The following PCDHGA3 variants were observed in gnomAD, a reference collection of about 807,000 sequenced individuals.
PCDHGA3 encodes protocadherin gamma subfamily A, 3, also known as protocadherin gamma-A3.
Under a neutral mutation model 58.5 loss-of-function variants are expected in PCDHGA3, and 40 were observed. The ratio of observed to expected loss-of-function variants is 0.68; its 90% CI spans 0.53 to 0.89. The LOEUF (loss-of-function observed/expected upper bound fraction) is 0.89. PCDHGA3 is among the 40% of genes least tolerant of loss of function. PCDHGA3 has a pLI of 0.00. For missense variants in PCDHGA3, 1,223 were observed against 1,195.9 expected (o/e 1.02, Z -0.33); for synonymous variants, 530 against 525.7 (o/e 1.01, Z -0.11).
chr5:141,432,369 A>G lies in PCDHGA3; in HGVS notation c.2425-62438A>G. 6.2e-7 allele frequency: 1 copy of G among 1,614,222 alleles called. No homozygotes were observed. The highest frequency in any genetic ancestry group is 1.1e-5 in the South Asian group (1 of 91,084). ...CAAGTGAAAGTGATGGCGCGGGACA[A>G]CGGGCACCCGCCCCTCAGCAGCAAC... On this transcript the variant is annotated intron_variant, in intron 1 of 3. Coordinates refer to ENST00000253812, the MANE Select transcript of PCDHGA3 (RefSeq NM_018916.4). The surrounding 1 kb of genome is among the most constrained non-coding windows in gnomAD (Gnocchi z 6.0).
chr5:141,407,478 A>G (rs1230151085), intron 1 of PCDHGA3, among the ~76,000 whole-genome samples: 1 of 144,006 alleles, frequency 6.9e-6, no homozygotes, highest in Non-Finnish European at 1.6e-5. Flanking sequence ...TGAATGGAGT[A>G]TGGAAAATCT....
intron 1 of PCDHGA3, chr5:141,388,443 G>A (rs1242973473): frequency 5.0e-6 from 8 of 1,613,872 alleles, no homozygotes; most frequent in Non-Finnish European, 6.8e-6. Flanking sequence ...AGAGAAATCA[G>A]ATGGCAGTAA....
At chr5:141,371,919 G>A (rs765232758) in intron 1 of PCDHGA3, 2 of 1,613,372 alleles carry the variant, frequency 1.2e-6, no homozygotes, top group East Asian at 2.2e-5. Flanking sequence ...GTCCGTGAGC[G>A]CGCGGAGCGG....
intron 1 of PCDHGA3, chr5:141,388,489 G>A: frequency 6.2e-7 from 1 of 1,613,844 alleles, no homozygotes; most frequent in Non-Finnish European, 8.5e-7. Context: ...CCTTTGGACA[G>A]AGAAAAGCAG....
At chr5:141,386,804 A>G (rs976518864) in intron 1 of PCDHGA3, among the ~76,000 whole-genome samples, 3 of 152,238 alleles carry the variant, frequency 2.0e-5, no homozygotes, top group Non-Finnish European at 2.9e-5. Context: ...AATTTATTAG[A>G]TGCATAAAAT....
At chr5:141,402,514 AAT>A (rs1200847622) in intron 1 of PCDHGA3, among the ~76,000 whole-genome samples, 1 of 152,218 alleles carries the variant, frequency 6.6e-6, no homozygotes, top group East Asian at 1.9e-4. Flanking sequence ...AATATTAAGC[AAT>A]GGTTTGTGAT....
intron 1 of PCDHGA3, chr5:141,408,154 A>T: frequency 6.6e-7 from 1 of 1,510,630 alleles, no homozygotes; most frequent in Non-Finnish European, 8.9e-7. Context: ...GGTAGAGTGC[A>T]CTTTCTCCAA....
intron 1 of PCDHGA3, chr5:141,428,119 C>T (rs2097112199): frequency 6.2e-7 from 1 of 1,606,512 alleles, no homozygotes; most frequent in Non-Finnish European, 8.5e-7. Context: ...GCCATCGAGC[C>T]CGGGCTTTTC....
intron 1 of PCDHGA3, chr5:141,423,750 TGGGGG>T: frequency 5.2e-5 from 15 of 287,416 alleles, no homozygotes; most frequent in Non-Finnish European, 6.3e-5. Context: ...GAAAACTGTT[TGGGGG>T]GGGGGTGGGG....
chr5:141,457,708 T>C (rs1160977721), intron 1 of PCDHGA3, among the ~76,000 whole-genome samples: 1 of 152,260 alleles, frequency 6.6e-6, no homozygotes, highest in Admixed American at 6.5e-5. Context: ...GATGAAACAC[T>C]GTTCCACAAG....
At chr5:141,360,942 G>A (rs778562389) in intron 1 of PCDHGA3, 11 of 1,613,828 alleles carry the variant, frequency 6.8e-6, no homozygotes, top group Non-Finnish European at 9.3e-6. Flanking sequence ...CCACCGACCG[G>A]GATGAAGGCA....
chr5:141,356,437 G>A, intron 1 of PCDHGA3: 1 of 1,611,386 alleles, frequency 6.2e-7, no homozygotes, highest in Non-Finnish European at 8.5e-7. Flanking sequence ...ACTGGACAGG[G>A]AAGAAGTCTC....
At chr5:141,407,930 C>T (rs2095001418) in intron 1 of PCDHGA3, 2 of 498,880 alleles carry the variant, frequency 4.0e-6, no homozygotes, top group Non-Finnish European at 6.9e-6. Flanking sequence ...CGCACGGAGC[C>T]TCTGGGCGCC....
Position 141,486,494 on chromosome 5 carries a change from A to G in PCDHGA3, c.2425-8313A>G, listed in dbSNP as rs375607204. 9.3e-6 allele frequency: 15 copies of G among 1,614,058 alleles called. No individual in the cohort carries two copies. The highest frequency in any genetic ancestry group is 1.3e-5 in the Non-Finnish European group (15 of 1,179,958). ...CCCTCCTCTCAGTACCCACAGAACT[A>G]TTTTCCTCAATATTTCAGATGTGAA... On this transcript the variant is annotated intron_variant, in intron 1 of 3. Transcript: ENST00000253812. The surrounding 1 kb of genome is among the most constrained non-coding windows in gnomAD (Gnocchi z 5.0).
chr5:141,399,412 T>C (rs1473017519), intron 1 of PCDHGA3: 3 of 1,613,948 alleles, frequency 1.9e-6, no homozygotes, highest in East Asian at 4.5e-5. Context: ...GCCGCCCCTC[T>C]CCTCCAGCAT....
chr5:141,509,056 G>C (rs1303823294), intron 3 of PCDHGA3, among the ~76,000 whole-genome samples: 1 of 152,178 alleles, frequency 6.6e-6, no homozygotes, highest in Non-Finnish European at 1.5e-5. Flanking sequence ...CCCCCAGAAA[G>C]CTCTCAGCTC....
intron 1 of PCDHGA3, among the ~76,000 whole-genome samples, chr5:141,438,591 CAT>C (rs946798767): frequency 2.9e-3 from 219 of 75,538 alleles, no homozygotes; most frequent in Middle Eastern, 0.016. Context: ...TACATACATA[CAT>C]ATATATATAT....
intron 1 of PCDHGA3, chr5:141,399,509 AC>A: frequency 6.2e-7 from 1 of 1,613,968 alleles, no homozygotes; most frequent in Non-Finnish European, 8.5e-7. Flanking sequence ...CCCGAAAACA[AC>A]CCTCCTGGGG....
chr5:141,457,111 G>A (rs922281700), intron 1 of PCDHGA3, among the ~76,000 whole-genome samples: 4 of 152,120 alleles, frequency 2.6e-5, no homozygotes, highest in South Asian at 2.1e-4. Flanking sequence ...AGCAAAATAC[G>A]ACAGCAATGG....
Sources: allele counts gnomAD v4.1 joint callset (sites outside exome capture counted in the v4.1 genomes callset), GRCh38; gene constraint gnomAD v4.1.1; non-coding constraint Gnocchi (gnomAD v3.1); transcripts MANE v1.5; gene names NCBI Gene and HGNC (gene_info 2026-07-23, HGNC 2026-07-21).